Variants in PLEKHG4B observed in about 807,000 individuals in gnomAD.
PLEKHG4B encodes pleckstrin homology domain-containing family G member 4B.
In PLEKHG4B, 111 loss-of-function variants were observed where a neutral mutation model predicts 121.3. The observed-to-expected ratio is 0.92, with a 90% CI of 0.78 to 1.07. The LOEUF (loss-of-function observed/expected upper bound fraction) is 1.07, where lower values mean the gene tolerates loss of function less well. Ranked by LOEUF, PLEKHG4B falls within the 50% of genes least tolerant of loss-of-function variation. The pLI is 0.00. For synonymous variants in PLEKHG4B, 738 were observed against 725.0 expected (o/e 1.02, Z -0.29); for missense variants, 1,831 against 1,757.8 (o/e 1.04, Z -0.74).
chr5:175,474 A>G (rs967929390), intron 18 of PLEKHG4B, among the ~76,000 whole-genome samples: 6 of 152,092 alleles, frequency 3.9e-5, no homozygotes, highest in African/African-American at 1.4e-4. Context: ...ACGAGTAGCC[A>G]AAGCCACTGT....
chr5:95,576 G>A (rs1005757039), intron 1 of PLEKHG4B, among the ~76,000 whole-genome samples: 4 of 152,182 alleles, frequency 2.6e-5, no homozygotes, highest in African/African-American at 9.7e-5. Context: ...CTCTGGTAAA[G>A]CCCAGATTCC....
intron 5 of PLEKHG4B, 68 bp downstream of exon 5, chr5:143,571 G>T (rs1329674183): frequency 6.3e-7 from 1 of 1,575,694 alleles, no homozygotes. Flanking sequence ...GTGGCAAAGT[G>T]GGGGGCACGG....
At chr5:162,256 C>T (rs569109491) in intron 12 of PLEKHG4B, among the ~76,000 whole-genome samples, 125 of 70,598 alleles carry the variant, frequency 1.8e-3, no homozygotes, top group Non-Finnish European at 2.5e-3. Flanking sequence ...GCAGACTGCT[C>T]GCCTGCGAGC....
intron 7 of PLEKHG4B, among the ~76,000 whole-genome samples, chr5:154,173 T>C (rs1735690302): frequency 6.6e-6 from 1 of 152,030 alleles, no homozygotes; most frequent in Admixed American, 6.6e-5. Flanking sequence ...GCCCAGCTAA[T>C]TTTTGCATTT....
chr5:112,426 C>T (rs1331600118), intron 1 of PLEKHG4B, among the ~76,000 whole-genome samples: 1 of 152,242 alleles, frequency 6.6e-6, no homozygotes, highest in Non-Finnish European at 1.5e-5. Flanking sequence ...TAAAAACTGA[C>T]TTCACAATTT....
At chr5:110,794 C>T (rs1185178846) in intron 1 of PLEKHG4B, among the ~76,000 whole-genome samples, 2 of 152,278 alleles carry the variant, frequency 1.3e-5, no homozygotes, top group Admixed American at 6.5e-5. Context: ...ACACCCGCAC[C>T]GTCTGTCCCT....
chr5:181,106 C>T (rs1264033441), intron 18 of PLEKHG4B, among the ~76,000 whole-genome samples: 1 of 152,170 alleles, frequency 6.6e-6, no homozygotes, highest in Admixed American at 6.5e-5. Flanking sequence ...GCTTAGCTCT[C>T]CTCTCAATAT....
intron 5 of PLEKHG4B, among the ~76,000 whole-genome samples, 164 bp downstream of exon 5, chr5:143,667 T>G (rs1735308472): frequency 6.6e-6 from 1 of 152,208 alleles, no homozygotes; most frequent in Admixed American, 6.5e-5. Flanking sequence ...CCAGCCTTGA[T>G]TTCTACACAC....
chr5:128,636 C>G (rs1452255702), intron 2 of PLEKHG4B, among the ~76,000 whole-genome samples: 1 of 152,202 alleles, frequency 6.6e-6, no homozygotes, highest in African/African-American at 2.4e-5. Flanking sequence ...CAATCAACCA[C>G]AATTTGCCCT....
chr5:166,699 G>A (rs936672928), intron 13 of PLEKHG4B, among the ~76,000 whole-genome samples: 2 of 152,190 alleles, frequency 1.3e-5, no homozygotes, highest in African/African-American at 4.8e-5. Context: ...GTGGCCCTGG[G>A]GGTTGGAGGC....
chr5:172,253 TA>T (rs1377604408), intron 16 of PLEKHG4B, among the ~76,000 whole-genome samples: 1 of 152,190 alleles, frequency 6.6e-6, no homozygotes, highest in African/African-American at 2.4e-5. Flanking sequence ...CAAGGAGCCC[TA>T]GGGGCGTCCA....
rs562706293 is a variant in PLEKHG4B, at chr5:176,630, C to T, written c.4402+2532C>T. ...ATTGCTTTAACATTCTGTGAGGAGG[C>T]GGAGGCTTGTTCTGAGAGATTCTTA... On this transcript the variant is annotated intron_variant, in intron 18 of 19. Coordinates refer to ENST00000637938, the MANE Select transcript of PLEKHG4B (RefSeq NM_052909.5). Among the ~76,000 whole-genome samples, 3 of 152,288 alleles carry T rather than the reference C, an allele frequency of 2.0e-5. No homozygotes were observed. The East Asian group carries it at 5.8e-4, about 29-fold the overall frequency.
At chr5:112,295 A>G (rs1360499338) in intron 1 of PLEKHG4B, among the ~76,000 whole-genome samples, 1 of 152,162 alleles carries the variant, frequency 6.6e-6, no homozygotes, top group African/African-American at 2.4e-5. Context: ...CCCAGCTGAC[A>G]AGACAGACCC....
At chr5:172,655 C>T (rs951183670) in intron 16 of PLEKHG4B, among the ~76,000 whole-genome samples, 6 of 152,154 alleles carry the variant, frequency 3.9e-5, no homozygotes, top group Non-Finnish European at 7.4e-5. Flanking sequence ...GAGGGTCAAA[C>T]GGGAGGGTTG....
chr5:169,672 A>G, intron 14 of PLEKHG4B, 80 bp downstream of exon 14: 1 of 1,563,820 alleles, frequency 6.4e-7, no homozygotes, highest in Non-Finnish European at 8.6e-7. Flanking sequence ...TACAGGGCCC[A>G]CGTGTCAGGC....
chr5:160,184 A>G (rs1579304256), intron 11 of PLEKHG4B, among the ~76,000 whole-genome samples: 3 of 152,222 alleles, frequency 2.0e-5, no homozygotes, highest in Admixed American at 1.3e-4. Context: ...CGGCCTCGGC[A>G]CCCTGTGTGT....
intron 6 of PLEKHG4B, 94 bp downstream of exon 6, chr5:145,014 T>C (rs1027421560): frequency 8.6e-7 from 1 of 1,163,988 alleles, no homozygotes; most frequent in Non-Finnish European, 1.2e-6. Context: ...GAGTAGCCAG[T>C]CCACAGGCTT....
chr5:164,995 GACGGGGCAGGGCTCACAGTAATGCTC>G (rs1736251996), intron 13 of PLEKHG4B, among the ~76,000 whole-genome samples: 3 of 62,716 alleles, frequency 4.8e-5, no homozygotes, highest in Non-Finnish European at 7.5e-5. Context: ...CTAATGCTCT[GACGGGGCAGGGCTCACAGTAATGCTC>G]TGACAGGGCG....
In PLEKHG4B at chr5:156,237, G is replaced by A. The variant is rs202138361; in HGVS notation, c.2348+27G>A. 3.3e-5 allele frequency: 47 copies of A among 1,432,822 alleles called. No individual in the cohort carries two copies. In the African/African-American group the frequency reaches 6.0e-4, roughly 18 times the overall value. 88.8% of individuals were successfully genotyped at this position (1,432,822 alleles called of 1,614,324 possible). On this transcript the variant is annotated intron_variant, in intron 10 of 19. Transcript: ENST00000637938. The surrounding 1 kb of genome is among the most constrained non-coding windows in gnomAD (Gnocchi z 4.4). ...TGAGCGCTCACAGGGGTCATGCTGG[G>A]CCCTGGCCCATCGAGGGAGCTGCTC...
Sources: allele counts gnomAD v4.1 joint callset (sites outside exome capture counted in the v4.1 genomes callset), GRCh38; gene constraint gnomAD v4.1.1; non-coding constraint Gnocchi (gnomAD v3.1); transcripts MANE v1.5; gene names NCBI Gene and HGNC (gene_info 2026-07-23, HGNC 2026-07-21).